Variants in AGAP1 observed in about 807,000 individuals in gnomAD.
AGAP1 encodes ArfGAP with GTPase domain, ankyrin repeat and PH domain 1, also known as arf-GAP with GTPase, ANK repeat and PH domain-containing protein 1.
AGAP1 carries 29 observed loss-of-function variants against 105.3 expected under a neutral mutation model. That is an observed-to-expected ratio of 0.28 (90% CI 0.21 to 0.38). The LOEUF (loss-of-function observed/expected upper bound fraction) is 0.38, where lower values mean the gene tolerates loss of function less well. Ranked by LOEUF, AGAP1 falls within the 10% of genes least tolerant of loss-of-function variation. AGAP1 has a pLI of 1.00. For missense variants in AGAP1, 998 were observed against 1,165.1 expected (o/e 0.86, Z 2.09); for synonymous variants, 509 against 485.9 (o/e 1.05, Z -0.63).
At chr2:236,117,767 A>T (rs1354857826) in intron 16 of AGAP1, among the ~76,000 whole-genome samples, 1 of 152,266 alleles carries the variant, frequency 6.6e-6, no homozygotes, top group Non-Finnish European at 1.5e-5. Context: ...TGCATCAACA[A>T]ACGTTTAATA....
At chr2:235,624,980 G>A (rs923739681) in intron 1 of AGAP1, among the ~76,000 whole-genome samples, 4 of 152,114 alleles carry the variant, frequency 2.6e-5, no homozygotes, top group Non-Finnish European at 4.4e-5. Context: ...GCTTCCTGAG[G>A]CCTCACCAAA....
chr2:235,935,194 AAC>A (rs1290849220), intron 12 of AGAP1, among the ~76,000 whole-genome samples: 1 of 152,226 alleles, frequency 6.6e-6, no homozygotes, highest in East Asian at 1.9e-4. Context: ...TGGCGTTGCT[AAC>A]ATGAGACCTG....
At position 236,123,887 on chromosome 2, in the gene AGAP1, T is replaced by G. The variant is rs763647297; in HGVS notation, c.2371-32T>G. On this transcript the variant is annotated intron_variant, in intron 17 of 17. Coordinates refer to ENST00000304032, the MANE Select transcript of AGAP1 (RefSeq NM_001037131.3). This position sits in a 1 kb window ranked among gnomAD's most constrained non-coding sequence, Gnocchi z 4.6. Reference sequence around the variant, plus strand: ...CCCCCTCCCTCCATCACATCCCCCATGATACTAATGTGGGCTCCCTTACCT... The same window carrying G: ...CCCCCTCCCTCCATCACATCCCCCAGGATACTAATGTGGGCTCCCTTACCT... The G allele has an allele frequency of 4.3e-6, 7 of 1,610,474 alleles. No individual in the cohort carries two copies. The highest frequency in any genetic ancestry group is 5.9e-6 in the Non-Finnish European group (7 of 1,178,798).
In AGAP1 at chr2:236,027,292, A is replaced by G. The variant is rs2057084412; in HGVS notation, c.1646-9269A>G. On this transcript the variant is annotated intron_variant, in intron 13 of 17. Transcript: ENST00000304032. This position sits in a 1 kb window ranked among gnomAD's most constrained non-coding sequence, Gnocchi z 4.4. Reference sequence around the variant, plus strand: ...CTAAAGACAGGATCCTGGGAAACACATGGGCCTAGCATAGCTGGATTCCAC... The same window carrying G: ...CTAAAGACAGGATCCTGGGAAACACGTGGGCCTAGCATAGCTGGATTCCAC... 2.0e-5 allele frequency among the ~76,000 whole-genome samples: 3 copies of G among 152,126 alleles called. No homozygotes were observed. Among genetic ancestry groups the G allele is most frequent in the African/African-American group, 7.2e-5 (3 of 41,432 alleles).
intron 1 of AGAP1, among the ~76,000 whole-genome samples, chr2:235,571,235 C>T (rs975713241): frequency 3.3e-5 from 5 of 152,226 alleles, no homozygotes; most frequent in Non-Finnish European, 7.3e-5. Context: ...ACCTCCAACA[C>T]TGGGGGTTAC....
At position 235,691,150 on chromosome 2, in the gene AGAP1, A is replaced by G. The variant is rs1949715722; in HGVS notation, c.164-18029A>G. ...AAGGAGTCTGCCCCATGCGATTCTG[A>G]GGCCTTGGTCCCTTCTGAGAGACCC... is the stretch of plus-strand genomic sequence containing the variant. On this transcript the variant is annotated intron_variant, in intron 1 of 17. Coordinates refer to ENST00000304032, the MANE Select transcript of AGAP1 (RefSeq NM_001037131.3). The surrounding 1 kb of genome is among the most constrained non-coding windows in gnomAD (Gnocchi z 4.4). Among the ~76,000 whole-genome samples, 1 of 152,106 alleles carries G rather than the reference A, an allele frequency of 6.6e-6. No homozygotes were observed. The highest frequency in any genetic ancestry group is 1.5e-5 in the Non-Finnish European group (1 of 68,016).
chr2:235,813,701 C>G (rs548948957), intron 9 of AGAP1, among the ~76,000 whole-genome samples: 3 of 152,364 alleles, frequency 2.0e-5, no homozygotes, highest in African/African-American at 7.2e-5. Flanking sequence ...TGGCTGTCCA[C>G]AGGCAGCCTG....
At chr2:235,797,388 C>T (rs1268040037) in intron 6 of AGAP1, among the ~76,000 whole-genome samples, 2 of 152,076 alleles carry the variant, frequency 1.3e-5, no homozygotes, top group Non-Finnish European at 2.9e-5. Flanking sequence ...TCGTGTTCCA[C>T]AGTGCTGCTG....
chr2:235,717,009 G>T (rs911193213), intron 2 of AGAP1, among the ~76,000 whole-genome samples: 2 of 152,048 alleles, frequency 1.3e-5, no homozygotes, highest in African/African-American at 4.8e-5. Context: ...GCAGGTGTGT[G>T]CCCTCCTCGC....
intron 1 of AGAP1, among the ~76,000 whole-genome samples, chr2:235,501,935 C>T (rs1234638207): frequency 2.0e-5 from 3 of 152,140 alleles, no homozygotes; most frequent in African/African-American, 4.8e-5. Context: ...TACCTTTCTC[C>T]GAGAAACAAA....
At position 236,101,805 on chromosome 2, in the gene AGAP1, C is replaced by T. The variant is rs1036572382; in HGVS notation, c.2115-18387C>T. On this transcript the variant is annotated intron_variant, in intron 16 of 17. Transcript: ENST00000304032. The surrounding 1 kb of genome is among the most constrained non-coding windows in gnomAD (Gnocchi z 4.9). ...CTAGGACGGCCTCACCCCGCTGGCT[C>T]GGGCTCCCTCTCACTGGGTACACAT... 3.9e-5 allele frequency among the ~76,000 whole-genome samples: 6 copies of T among 152,212 alleles called. No individual in the cohort carries two copies. Among genetic ancestry groups the T allele is most frequent in the African/African-American group, 1.2e-4 (5 of 41,458 alleles).
intron 1 of AGAP1, among the ~76,000 whole-genome samples, chr2:235,636,543 C>T (rs888893835): frequency 2.0e-5 from 3 of 152,182 alleles, no homozygotes; most frequent in Non-Finnish European, 4.4e-5. Context: ...GATGTGAAGC[C>T]TCCCCTTCCA....
In AGAP1 at chr2:236,115,122, G is replaced by A. The variant is rs549475156; in HGVS notation, c.2115-5070G>A. 5.3e-5 allele frequency among the ~76,000 whole-genome samples: 8 copies of A among 152,320 alleles called. No homozygotes were observed. The South Asian group carries it at 1.0e-3, about 20-fold the overall frequency. ...CGTGCCCAGCAGGCCTTCGGTACCC[G>A]CGGCCCCGTGCCACCAGCACTTCCC... On this transcript the variant is annotated intron_variant, in intron 16 of 17. Coordinates refer to ENST00000304032, the MANE Select transcript of AGAP1 (RefSeq NM_001037131.3).
rs10560456 is a variant in AGAP1 at position 236,054,480 on chromosome 2, T to TA, written c.2114+5218dup. Among the ~76,000 whole-genome samples the TA allele has an allele frequency of 7.2e-3, 814 of 112,770 alleles. 3 individuals are homozygous for TA. The highest frequency in any genetic ancestry group is 0.023 in the South Asian group (78 of 3,364). The allele number at this position is 112,770 out of a possible 152,430, so 74.0% of individuals were successfully genotyped here. ...TGACACCTTTTCCTATTTTCTTTCT[T>TA]AAAAAAAAAAAAAAAAAAAGGGAGG... is the stretch of plus-strand genomic sequence containing the variant. On this transcript the variant is annotated intron_variant, in intron 16 of 17. Coordinates refer to ENST00000304032, the MANE Select transcript of AGAP1 (RefSeq NM_001037131.3).
At position 235,621,833 on chromosome 2, in the gene AGAP1, G is replaced by T. The variant is rs1224262290; in HGVS notation, c.164-87346G>T. Among the ~76,000 whole-genome samples the T allele has an allele frequency of 6.6e-6, 1 of 152,206 alleles. No homozygotes were observed. The highest frequency in any genetic ancestry group is 1.5e-5 in the Non-Finnish European group (1 of 68,024). ...CAGTAACCCCCTGGGAGCGGCTGCT[G>T]ATGTTCTGGCTCTCTGCAGTTGGGT... is the stretch of plus-strand genomic sequence containing the variant. On this transcript the variant is annotated intron_variant, in intron 1 of 17. Coordinates refer to ENST00000304032, the MANE Select transcript of AGAP1 (RefSeq NM_001037131.3). This position sits in a 1 kb window ranked among gnomAD's most constrained non-coding sequence, Gnocchi z 4.1.
At position 235,740,815 on chromosome 2, in the gene AGAP1, T is replaced by C. The variant is rs979887890; in HGVS notation, c.311-148T>C. The C allele has an allele frequency of 4.8e-6, 4 of 831,820 alleles. No homozygotes were observed. Among genetic ancestry groups the C allele is most frequent in the African/African-American group, 1.7e-5 (1 of 58,682 alleles). 51.5% of individuals were successfully genotyped at this position (831,820 alleles called of 1,614,324 possible). A position where few individuals can be genotyped will look rare whatever the true frequency, so the allele number is the denominator to read the frequency against. ...AAATCTGAGTTCGGCTCTGTTAAAA[T>C]TCAGCATTTGCTGGCAACATCCTAA... is the stretch of plus-strand genomic sequence containing the variant. On this transcript the variant is annotated intron_variant, in intron 3 of 17. Coordinates refer to ENST00000304032, the MANE Select transcript of AGAP1 (RefSeq NM_001037131.3). The surrounding 1 kb of genome is among the most constrained non-coding windows in gnomAD (Gnocchi z 5.7).
At chr2:235,542,454 C>G (rs564154077) in intron 1 of AGAP1, among the ~76,000 whole-genome samples, 1 of 152,318 alleles carries the variant, frequency 6.6e-6, no homozygotes. Context: ...CTCATCAACT[C>G]CCAGCCTCCA....
Position 235,701,565 on chromosome 2 carries a change from A to C in AGAP1, c.164-7614A>C, listed in dbSNP as rs1467322161. Among the ~76,000 whole-genome samples the C allele has an allele frequency of 6.6e-6, 1 of 152,190 alleles. No individual in the cohort carries two copies. Among genetic ancestry groups the C allele is most frequent in the African/African-American group, 2.4e-5 (1 of 41,460 alleles). ...GATCTTTGAGCCTGAACTTCCAGGGAAGCCTGAAACCAATCTGGTATCCCC... is the reference window on the plus strand; with the variant it reads ...GATCTTTGAGCCTGAACTTCCAGGGCAGCCTGAAACCAATCTGGTATCCCC... On this transcript the variant is annotated intron_variant, in intron 1 of 17. Transcript: ENST00000304032. This position sits in a 1 kb window ranked among gnomAD's most constrained non-coding sequence, Gnocchi z 4.1.
chr2:235,538,508 T>A (rs1943322601), intron 1 of AGAP1, among the ~76,000 whole-genome samples: 1 of 146,252 alleles, frequency 6.8e-6, no homozygotes, highest in African/African-American at 2.5e-5. Context: ...GGCTTGCACC[T>A]AAGTCCTAGG....
Sources: allele counts gnomAD v4.1 joint callset (sites outside exome capture counted in the v4.1 genomes callset), GRCh38; gene constraint gnomAD v4.1.1; non-coding constraint Gnocchi (gnomAD v3.1); transcripts MANE v1.5; gene names NCBI Gene and HGNC (gene_info 2026-07-23, HGNC 2026-07-21).